Variants in KCNG4 observed in about 807,000 individuals in gnomAD.
KCNG4 encodes voltage-gated potassium channel regulatory subunit KCNG4.
In KCNG4, 30 loss-of-function variants were observed where a neutral mutation model predicts 28.2. The ratio of observed to expected loss-of-function variants is 1.06; its 90% CI spans 0.80 to 1.44. KCNG4 has a LOEUF of 1.44. Among genes scored for constraint, KCNG4 ranks in the 40% most tolerant of loss-of-function variants. KCNG4 has a pLI of 0.00. For missense variants in KCNG4, 879 were observed against 712.3 expected (o/e 1.23, Z -2.66); for synonymous variants, 375 against 315.5 (o/e 1.19, Z -2.00).
At chr16:84,236,338 C>A in intron 2 of KCNG4, 1 of 307,290 alleles carries the variant, frequency 3.3e-6, no homozygotes. Flanking sequence ...GTGAGTAAAC[C>A]TTCGAGGTGA....
intron 1 of KCNG4, among the ~76,000 whole-genome samples, chr16:84,239,267 G>T (rs1905046785): frequency 6.6e-6 from 1 of 152,208 alleles, no homozygotes; most frequent in Admixed American, 6.5e-5. Flanking sequence ...TGCTCACAGG[G>T]AATGGCCAGA....
At position 84,222,602 on chromosome 16, in the gene KCNG4, G is replaced by T. The variant is rs1483295612; in HGVS notation, c.1175C>A (p.Ala392Asp). 1.2e-6 allele frequency: 2 copies of T among 1,613,200 alleles called. No homozygotes were observed. The highest frequency in any genetic ancestry group is 1.7e-6 in the Non-Finnish European group (2 of 1,179,984). The change falls in exon 3 of 3, where the codon GCC becomes GAC. Residue 392 changes from alanine (A) to aspartate (D), a missense_variant. Physicochemically the swap from Ala to Asp is moderately radical, Grantham distance 126. Transcript: ENST00000308251. Reference sequence around the variant, plus strand: ...CAGCACCCGCCCGGACTCCTTCTCGGCCACGTAGACCAAAGGGGAGAAGAG... The same window carrying T: ...CAGCACCCGCCCGGACTCCTTCTCGTCCACGTAGACCAAAGGGGAGAAGAG... The part of the protein sequence containing the change: ...ITLFSPLVYV[A>D]EKESGRVLEF...
chr16:84,232,240 A>T (rs1904844462), intron 2 of KCNG4, among the ~76,000 whole-genome samples: 1 of 152,202 alleles, frequency 6.6e-6, no homozygotes, highest in African/African-American at 2.4e-5. Context: ...GTGGAATAGT[A>T]TTCGGCCATG....
Position 84,229,785 on chromosome 16 carries a change from G to A in KCNG4, c.757-6765C>T, listed in dbSNP as rs553508972. 1.1e-4 allele frequency among the ~76,000 whole-genome samples: 16 copies of A among 152,350 alleles called. No individual in the cohort carries two copies. In the South Asian group the frequency reaches 3.1e-3, roughly 30 times the overall value. On this transcript the variant is annotated intron_variant, in intron 2 of 2. Transcript: ENST00000308251. ...AGAGCATCAAGGAGGCCCCAGGCCAGGAAACAGGGAATATTGCTTCTTGGC... is the reference window on the plus strand; with the variant it reads ...AGAGCATCAAGGAGGCCCCAGGCCAAGAAACAGGGAATATTGCTTCTTGGC...
At position 84,222,356 on chromosome 16, in the gene KCNG4, C is replaced by A. The variant is rs761759691; in HGVS notation, c.1421G>T (p.Arg474Leu). Reference protein sequence around the residue: ...LKKEQEQLQARLRHLQNTGPA... With the variant: ...LKKEQEQLQALLRHLQNTGPA... ...ACCGGTGTTTTGGAGGTGGCGGAGG[C>A]GGGCCTGAAGCTGCTCCTGCTCCTT... The change falls in exon 3 of 3, where the codon CGC becomes CTC. Residue 474 changes from arginine (R) to leucine (L), a missense_variant. By Grantham distance (102) the Arg-to-Leu change is moderately radical. Transcript: ENST00000308251. 10 of 1,614,032 alleles carry A rather than the reference C, an allele frequency of 6.2e-6. No individual in the cohort carries two copies. The highest frequency in any genetic ancestry group is 8.5e-6 in the Non-Finnish European group (10 of 1,179,968).
Position 84,237,270 on chromosome 16 carries a change from G to T in KCNG4, c.216C>A (p.Leu72=), listed in dbSNP as rs141435784. ...GGAACCGGTCCAGTGTGCTCCAGGG[G>T]AGGAGATACCTCCTGCCCCCCACGT... ...LINVGGRRYL[L]PWSTLDRFPL... is the part of the protein sequence containing the mutation. Residue 72 remains leucine, a synonymous_variant, in exon 2 of 3, where the codon CTC becomes CTA. Transcript: ENST00000308251. 237 of 1,611,762 alleles carry T rather than the reference G, an allele frequency of 1.5e-4. No homozygotes were observed. Among genetic ancestry groups the T allele is most frequent in the Non-Finnish European group, 2.4e-5 (28 of 1,178,456 alleles).
At chr16:84,233,377 G>A (rs1292220315) in intron 2 of KCNG4, among the ~76,000 whole-genome samples, 2 of 152,202 alleles carry the variant, frequency 1.3e-5, no homozygotes, top group African/African-American at 4.8e-5. Flanking sequence ...CCCTGAGGCT[G>A]AGGTTCTAGA....
chr16:84,238,538 C>T (rs1474281430), intron 1 of KCNG4, among the ~76,000 whole-genome samples: 1 of 152,182 alleles, frequency 6.6e-6, no homozygotes, highest in African/African-American at 2.4e-5. Context: ...GACCTCCAGC[C>T]AGTTACTCCC....
rs938978227 is a variant in KCNG4 at position 84,237,299 on chromosome 16, T to G, written c.187A>C (p.Ile63Leu). The change falls in exon 2 of 3, where the codon ATC becomes CTC. Residue 63 changes from isoleucine (I) to leucine (L), a missense_variant. Physicochemically the swap from Ile to Leu is conservative, Grantham distance 5. Transcript: ENST00000308251. ...SPVDLKKEIL[I>L]NVGGRRYLLP... The stretch of plus-strand genomic sequence containing the variant: ...AGATACCTCCTGCCCCCCACGTTGA[T>G]CAGGATCTCCTTCTTCAGGTCCACT... 1 of 1,600,750 alleles carries G rather than the reference T, an allele frequency of 6.2e-7. No individual in the cohort carries two copies. Among genetic ancestry groups the G allele is most frequent in the African/African-American group, 1.3e-5 (1 of 74,734 alleles).
intron 2 of KCNG4, among the ~76,000 whole-genome samples, chr16:84,229,249 T>C (rs1452256602): frequency 6.7e-6 from 1 of 149,550 alleles, no homozygotes; most frequent in African/African-American, 2.5e-5. Context: ...GCCGAGATTG[T>C]ACCATTGCAC....
At position 84,219,152 on chromosome 16, in the gene KCNG4, T is replaced by C. The variant is rs1324317616; in HGVS notation, c.*3065A>G. ...TGCACATTCTTTTCAGTGTCATTAA[T>C]TGCAAATGTTTTGCCCCAGGAGGCA... On this transcript the variant is annotated 3_prime_UTR_variant, in exon 3 of 3. Transcript: ENST00000308251. 6.6e-6 allele frequency: 1 copy of C among 152,286 alleles called. No individual in the cohort carries two copies. Among genetic ancestry groups the C allele is most frequent in the Non-Finnish European group, 1.5e-5 (1 of 68,088 alleles). The allele number at this position is 152,286 out of a possible 1,614,324, so 9.4% of individuals were successfully genotyped here.
chr16:84,235,352 G>T (rs1904921680), intron 2 of KCNG4: 3 of 152,130 alleles, frequency 2.0e-5, no homozygotes, highest in Admixed American at 2.0e-4. Flanking sequence ...GAGGTCACTT[G>T]TTTTGTCTTA....
Position 84,222,321 on chromosome 16 carries a change from C to T in KCNG4, c.1456G>A (p.Glu486Lys). ...ACATGGGGGTCCAGGAGTTCACATTCACTGGCTGGACCGGTGTTTTGGAGG... is the reference window on the plus strand; with the variant it reads ...ACATGGGGGTCCAGGAGTTCACATTTACTGGCTGGACCGGTGTTTTGGAGG... ...RHLQNTGPAS[E>K]CELLDPHVAS... Residue 486 changes from glutamate (E) to lysine (K), a missense_variant, in exon 3 of 3, where the codon GAA (glutamate) becomes AAA (lysine). Coordinates refer to ENST00000308251, the MANE Select transcript of KCNG4 (RefSeq NM_172347.3). 1 of 1,614,144 alleles carries T rather than the reference C, an allele frequency of 6.2e-7. No individual in the cohort carries two copies. Among genetic ancestry groups the T allele is most frequent in the African/African-American group, 1.3e-5 (1 of 75,050 alleles).
At chr16:84,228,326 G>A (rs1385722847) in intron 2 of KCNG4, among the ~76,000 whole-genome samples, 1 of 152,148 alleles carries the variant, frequency 6.6e-6, no homozygotes, top group African/African-American at 2.4e-5. Flanking sequence ...CCTTAGTCAG[G>A]GCTGGTCCAT....
intron 2 of KCNG4, among the ~76,000 whole-genome samples, chr16:84,224,183 A>C (rs1904643716): frequency 6.6e-6 from 1 of 152,160 alleles, no homozygotes; most frequent in Non-Finnish European, 1.5e-5. Flanking sequence ...TGACTCATGC[A>C]AACTGAAGTT....
rs761232653 is a variant in KCNG4 at position 84,237,012 on chromosome 16, C to T, written c.474G>A (p.Glu158=). 1.9e-5 allele frequency: 31 copies of T among 1,613,928 alleles called. No homozygotes were observed. Among genetic ancestry groups the T allele is most frequent in the African/African-American group, 2.7e-5 (2 of 74,924 alleles). ...TCAGCAGCTTCCGCAGGCAGCACCT[C>T]TCCAGGTGGGCCTCCTCGATGCCCC... ...AYWGIEEAHL[E]RCCLRKLLRK... Residue 158 remains glutamate, a synonymous_variant, in exon 2 of 3, where the codon GAG becomes GAA. Transcript: ENST00000308251.
At chr16:84,237,632 A>C (rs1442037152) in intron 1 of KCNG4, 107 bp from the exon 2 acceptor site, 2 of 663,302 alleles carry the variant, frequency 3.0e-6, no homozygotes, top group Non-Finnish European at 2.2e-6. Flanking sequence ...CTTTCCTGTG[A>C]CTGCATCTGC....
Position 84,223,088 on chromosome 16 carries a change from C to T in KCNG4, c.757-68G>A, listed in dbSNP as rs116119325. 5.3e-4 allele frequency: 652 copies of T among 1,231,384 alleles called. 4 individuals are homozygous for T. The African/African-American group carries it at 8.2e-3, about 15-fold the overall frequency. The allele number at this position is 1,231,384 out of a possible 1,614,324, so 76.3% of individuals were successfully genotyped here. A position where few individuals can be genotyped will look rare whatever the true frequency, so the allele number is the denominator to read the frequency against. ...TGCAACTGTGCTGGAAATCGGGGGA[C>T]GACTTCATGCCCATGAGCTTTGTGC... On this transcript the variant is annotated intron_variant, in intron 2 of 2. Transcript: ENST00000308251.
At chr16:84,227,201 G>A (rs1482156817) in intron 2 of KCNG4, among the ~76,000 whole-genome samples, 1 of 152,180 alleles carries the variant, frequency 6.6e-6, no homozygotes, top group African/African-American at 2.4e-5. Context: ...TCCTCAAAAG[G>A]TTAAACAGAA....
Sources: allele counts gnomAD v4.1 joint callset (sites outside exome capture counted in the v4.1 genomes callset), GRCh38; gene constraint gnomAD v4.1.1; transcripts MANE v1.5; gene names NCBI Gene and HGNC (gene_info 2026-07-23, HGNC 2026-07-21).